LGALS14: variants seen among roughly 807,000 people sequenced by gnomAD.
LGALS14 encodes the protein galectin 14, also known as placental protein 13-like.
A neutral mutation model predicts 14.6 loss-of-function variants in LGALS14; 14 were observed. The ratio of observed to expected loss-of-function variants is 0.96; its 90% CI spans 0.64 to 1.50. LGALS14 has a LOEUF of 1.50. LGALS14 is among the 40% of genes most tolerant of loss of function. The probability of loss-of-function intolerance (pLI) is 0.00; values close to 1 mark genes in which losing one functional copy is unlikely to be tolerated. For synonymous variants in LGALS14, 57 were observed against 63.9 expected (o/e 0.89, Z 0.51); for missense variants, 180 against 172.0 (o/e 1.05, Z -0.26).
intron 3 of LGALS14, 129 bp from the exon 4 acceptor site, chr19:39,709,068 T>C (rs752942895): frequency 1.4e-6 from 1 of 712,824 alleles, no homozygotes; most frequent in Non-Finnish European, 2.6e-6. Flanking sequence ...CAGAAGTGTG[T>C]CTACTAGGTT....
intron 1 of LGALS14, among the ~76,000 whole-genome samples, chr19:39,705,464 C>G (rs1049433417): frequency 3.2e-4 from 48 of 152,128 alleles, no homozygotes; most frequent in Non-Finnish European, 6.9e-4. Context: ...CCACTGTAAG[C>G]TCTGTCTGAA....
chr19:39,704,573 T>A lies in LGALS14; in HGVS notation c.15+30T>A, dbSNP rs1165330118. ...GTTGAAAAGTCACAGCCTTCAATAA[T>A]CTCAAGTCACATAAACCAAGAAAGA... On this transcript the variant is annotated intron_variant, in intron 1 of 3. Transcript: ENST00000392052. 2.5e-6 allele frequency: 4 copies of A among 1,611,418 alleles called. No homozygotes were observed. In the East Asian group the frequency reaches 8.9e-5, roughly 36 times the overall value.
intron 1 of LGALS14, chr19:39,705,912 C>T: frequency 6.2e-7 from 1 of 1,613,618 alleles, no homozygotes; most frequent in Non-Finnish European, 8.5e-7. Flanking sequence ...CCAGTTATGT[C>T]CCTGACCCAC....
intron 3 of LGALS14, 57 bp downstream of exon 3, chr19:39,707,445 C>T (rs1035920585): frequency 7.0e-7 from 1 of 1,435,998 alleles, no homozygotes; most frequent in Non-Finnish European, 9.7e-7. Context: ...GAGCAGGAGG[C>T]AGCTTTCATT....
chr19:39,706,685 A>T lies in LGALS14; in HGVS notation c.92+12A>T, dbSNP rs750002012. On this transcript the variant is annotated intron_variant, in intron 2 of 3. Coordinates refer to ENST00000392052, the MANE Select transcript of LGALS14 (RefSeq NM_020129.3). Reference sequence around the variant, plus strand: ...ATCCTCACTTTTGTGTGAGTACTCCATGGTCCAATGGAGGGGGTGGAGGAG... The same window carrying T: ...ATCCTCACTTTTGTGTGAGTACTCCTTGGTCCAATGGAGGGGGTGGAGGAG... 9 of 1,591,322 alleles carry T rather than the reference A, an allele frequency of 5.7e-6. No homozygotes were observed. The highest frequency in any genetic ancestry group is 5.2e-6 in the Non-Finnish European group (6 of 1,159,262).
intron 1 of LGALS14, chr19:39,705,557 A>G: frequency 4.9e-6 from 1 of 204,520 alleles, no homozygotes; most frequent in South Asian, 8.1e-5. Context: ...TTACTCAACA[A>G]AGCAGCTGGG....
Position 39,709,298 on chromosome 19 carries a change from G to T in LGALS14, c.405G>T (p.Val135=). The T allele has an allele frequency of 6.3e-7, 1 of 1,584,854 alleles. No homozygotes were observed. Among genetic ancestry groups the T allele is most frequent in the South Asian group, 1.1e-5 (1 of 90,438 alleles). The stretch of plus-strand genomic sequence containing the variant: ...TCAGAGATATCTCCCTGACCAGAGT[G>T]CTTATCAGCGATTGAGGGAGATGAT... ...QVFRDISLTR[V]LISD The change falls in exon 4 of 4, where the codon GTG becomes GTT. Residue 135 remains valine, a synonymous_variant. Coordinates refer to ENST00000392052, the MANE Select transcript of LGALS14 (RefSeq NM_020129.3).
chr19:39,706,515 C>T, intron 1 of LGALS14, 82 bp from the exon 2 acceptor site: 1 of 1,006,944 alleles, frequency 9.9e-7, no homozygotes, highest in South Asian at 1.4e-5. Context: ...TGATCTCTAA[C>T]CTCCTGCACC....
chr19:39,707,427 G>T, intron 3 of LGALS14, 39 bp downstream of exon 3: 1 of 1,549,054 alleles, frequency 6.5e-7, no homozygotes, highest in Non-Finnish European at 8.9e-7. Flanking sequence ...GAGCTCTGTG[G>T]GCTCTTAGAG....
rs370349479 is a variant in LGALS14 at position 39,709,341 on chromosome 19, A to G, written c.*28A>G. On this transcript the variant is annotated 3_prime_UTR_variant, in exon 4 of 4. Transcript: ENST00000392052. Reference sequence around the variant, plus strand: ...GAGATGATCAGACTCCTCATTGTTGAGGAATCCCTCTTTCTACCTGACCAT... The same window carrying G: ...GAGATGATCAGACTCCTCATTGTTGGGGAATCCCTCTTTCTACCTGACCAT... 3 of 1,290,396 alleles carry G rather than the reference A, an allele frequency of 2.3e-6. No homozygotes were observed. Among genetic ancestry groups the G allele is most frequent in the African/African-American group, 2.9e-5 (2 of 68,178 alleles). The allele number at this position is 1,290,396 out of a possible 1,614,324, so 79.9% of individuals were successfully genotyped here.
In LGALS14 at chr19:39,705,862, A is replaced by G. The variant is rs746374526; in HGVS notation, c.16-735A>G. On this transcript the variant is annotated intron_variant, in intron 1 of 3. Coordinates refer to ENST00000392052, the MANE Select transcript of LGALS14 (RefSeq NM_020129.3). ...CCTATCTCAAAAATACAGAAAAATC[A>G]TCAACCACTTGCAGTCGTCGTAGAA... is the stretch of plus-strand genomic sequence containing the variant. 3 of 1,609,122 alleles carry G rather than the reference A, an allele frequency of 1.9e-6. No individual in the cohort carries two copies. The East Asian group carries it at 6.7e-5, about 36-fold the overall frequency.
intron 1 of LGALS14, among the ~76,000 whole-genome samples, chr19:39,704,914 A>G (rs1973692922): frequency 6.6e-6 from 1 of 152,168 alleles, no homozygotes; most frequent in Admixed American, 6.5e-5. Context: ...GGGCACAGCC[A>G]GACCAGTGCA....
intron 1 of LGALS14, among the ~76,000 whole-genome samples, chr19:39,705,006 T>A (rs1219166201): frequency 6.6e-6 from 1 of 152,104 alleles, no homozygotes; most frequent in African/African-American, 2.4e-5. Flanking sequence ...GTGTGTGTGC[T>A]GGGATGTGAC....
At chr19:39,708,986 G>T (rs1452620525) in intron 3 of LGALS14, among the ~76,000 whole-genome samples, 1 of 152,166 alleles carries the variant, frequency 6.6e-6, no homozygotes, top group African/African-American at 2.4e-5. Context: ...TTCACTAGGG[G>T]AATGAGAGAA....
intron 1 of LGALS14, chr19:39,706,087 A>T: frequency 6.4e-7 from 1 of 1,571,182 alleles, no homozygotes; most frequent in Non-Finnish European, 8.6e-7. Flanking sequence ...GTTGTTTCTC[A>T]CTGGAGTGAA....
chr19:39,707,328 AC>A lies in LGALS14; in HGVS notation c.246del (p.Phe83LeufsTer20). ...WRYEEKCYYL[P>X]FEDGKPFELC... is the part of the protein sequence containing the mutation. ...GATATGAGGAGAAATGCTACTATTT[AC>A]CCTTTGAAGATGGCAAACCATTTGA... On this transcript the variant is annotated frameshift_variant, in exon 3 of 4. Coordinates refer to ENST00000392052, the MANE Select transcript of LGALS14 (RefSeq NM_020129.3). LOFTEE classifies it high-confidence loss of function. 6.2e-7 allele frequency: 1 copy of A among 1,614,084 alleles called. No individual in the cohort carries two copies. Among genetic ancestry groups the A allele is most frequent in the Non-Finnish European group, 8.5e-7 (1 of 1,179,940 alleles).
chr19:39,708,273 G>A (rs1175492469), intron 3 of LGALS14, among the ~76,000 whole-genome samples: 4 of 152,206 alleles, frequency 2.6e-5, no homozygotes, highest in Non-Finnish European at 4.4e-5. Flanking sequence ...CCACGGTGCC[G>A]CTTCAGTTTT....
At position 39,706,452 on chromosome 19, in the gene LGALS14, TG is replaced by T. The variant is rs1344139602; in HGVS notation, c.16-141del. On this transcript the variant is annotated intron_variant, in intron 1 of 3. Transcript: ENST00000392052. ...TGGATCCACCATATCTTCAGGAATATGGGGCCCTGACTGTGGTAGGGTGAAA... is the reference window on the plus strand; with the variant it reads ...TGGATCCACCATATCTTCAGGAATATGGGCCCTGACTGTGGTAGGGTGAAA... 1.1e-5 allele frequency: 7 copies of T among 655,748 alleles called. No homozygotes were observed. In the East Asian group the frequency reaches 1.8e-4, roughly 17 times the overall value. 40.6% of individuals were successfully genotyped at this position (655,748 alleles called of 1,614,324 possible). A position where few individuals can be genotyped will look rare whatever the true frequency, so the allele number is the denominator to read the frequency against.
intron 1 of LGALS14, among the ~76,000 whole-genome samples, chr19:39,705,181 A>T (rs766199158): frequency 1.3e-5 from 2 of 152,016 alleles, no homozygotes; most frequent in Non-Finnish European, 2.9e-5. Context: ...GTTACCAAGG[A>T]CTCGTTTCAG....
Sources: gnomAD v4.1 joint callset for allele counts (sites outside exome capture counted in the v4.1 genomes callset) on GRCh38, gnomAD v4.1.1 for gene constraint, MANE v1.5 for transcripts, NCBI Gene and HGNC (gene_info 2026-07-23, HGNC 2026-07-21) for gene names.